OLFM2: variants seen among roughly 807,000 people sequenced by gnomAD.
OLFM2 encodes the protein olfactomedin 2.
A neutral mutation model predicts 43.9 loss-of-function variants in OLFM2; 20 were observed. The ratio of observed to expected loss-of-function variants is 0.46; its 90% CI spans 0.32 to 0.66. The LOEUF is 0.66. OLFM2 is among the 30% of genes least tolerant of loss of function. The pLI is 0.04. For synonymous variants in OLFM2, 268 were observed against 278.6 expected, an observed-to-expected ratio of 0.96 and a Z score of 0.38; for missense variants, 416 against 643.6, an observed-to-expected ratio of 0.65 and a Z score of 3.83.
intron 1 of OLFM2, among the ~76,000 whole-genome samples, chr19:9,926,535 G>C (rs2086454444): frequency 6.6e-6 from 1 of 152,126 alleles, no homozygotes; most frequent in South Asian, 2.1e-4. Context: ...CTGGGACAGA[G>C]AGCGAGACTC....
rs958020831 is a variant in OLFM2, at chr19:9,913,709, C to CG, written c.63+22594dup. On this transcript the variant is annotated intron_variant, in intron 1 of 5. Transcript: ENST00000264833. ...TCGGTCCCTCGACACCCAGGCGCCC[C>CG]GGGGGGGCGTGGGGGAGGGGGCACG... 7.9e-5 allele frequency: 81 copies of CG among 1,030,228 alleles called. 1 individual carries two copies. In the Middle Eastern group the frequency reaches 2.8e-3, roughly 36 times the overall value. The allele number at this position is 1,030,228 out of a possible 1,614,324, so 63.8% of individuals were successfully genotyped here. A position where few individuals can be genotyped will look rare whatever the true frequency, so the allele number is the denominator to read the frequency against.
At chr19:9,923,825 C>T (rs149542619) in intron 1 of OLFM2, among the ~76,000 whole-genome samples, 13 of 151,862 alleles carry the variant, frequency 8.6e-5, no homozygotes, top group African/African-American at 2.7e-4. Context: ...TAGAGCTGGG[C>T]GTGGTGCCTC....
chr19:9,913,835 C>T (rs1362345819), intron 1 of OLFM2: 2 of 262,980 alleles, frequency 7.6e-6, no homozygotes, highest in Non-Finnish European at 1.2e-5. Context: ...TATAAAGCGC[C>T]GGCTCGGGCC....
At chr19:9,875,068 G>A (rs983335662) in intron 1 of OLFM2, among the ~76,000 whole-genome samples, 2 of 152,196 alleles carry the variant, frequency 1.3e-5, no homozygotes, top group African/African-American at 2.4e-5. Context: ...TCCCTGTTCC[G>A]CAGGCATCCC....
At chr19:9,883,201 C>A (rs1232912826) in intron 1 of OLFM2, among the ~76,000 whole-genome samples, 1 of 73,570 alleles carries the variant, frequency 1.4e-5, no homozygotes, top group East Asian at 2.8e-4. Context: ...AAGAGCGAGA[C>A]TCCATCTCAA....
rs147443953 is a variant in OLFM2 at position 9,920,836 on chromosome 19, G to A, written c.63+15468C>T. On this transcript the variant is annotated intron_variant, in intron 1 of 5. Transcript: ENST00000264833. Reference sequence around the variant, plus strand: ...GCAGGAAAGTTATTTGAACCTGGGAGGCAGAGGTTGCTGTGAGCAGAGATC... The same window carrying A: ...GCAGGAAAGTTATTTGAACCTGGGAAGCAGAGGTTGCTGTGAGCAGAGATC... Among the ~76,000 whole-genome samples the A allele has an allele frequency of 7.9e-5, 12 of 151,826 alleles. No homozygotes were observed. In the South Asian group the frequency reaches 1.0e-3, roughly 13 times the overall value.
chr19:9,914,855 C>T (rs1474321216), intron 1 of OLFM2, among the ~76,000 whole-genome samples: 2 of 152,082 alleles, frequency 1.3e-5, no homozygotes, highest in African/African-American at 4.8e-5. Flanking sequence ...CTCGCTCCGC[C>T]GCCGCCGTCG....
chr19:9,909,998 A>G (rs1207721192), intron 1 of OLFM2, among the ~76,000 whole-genome samples: 1 of 152,142 alleles, frequency 6.6e-6, no homozygotes, highest in East Asian at 1.9e-4. Flanking sequence ...CTTAGGGTTC[A>G]GTAGTGAGCA....
At chr19:9,934,040 T>C (rs2086500510) in intron 1 of OLFM2, among the ~76,000 whole-genome samples, 1 of 152,064 alleles carries the variant, frequency 6.6e-6, no homozygotes, top group Non-Finnish European at 1.5e-5. Flanking sequence ...CAGTGCATAA[T>C]CATATCTGTT....
At chr19:9,910,481 G>C (rs955090671) in intron 1 of OLFM2, among the ~76,000 whole-genome samples, 26 of 152,160 alleles carry the variant, frequency 1.7e-4, no homozygotes, top group African/African-American at 6.3e-4. Context: ...AGCATTTTGG[G>C]AGGCCGAGGA....
chr19:9,927,457 C>T (rs1440451093), intron 1 of OLFM2, among the ~76,000 whole-genome samples: 2 of 152,112 alleles, frequency 1.3e-5, no homozygotes, highest in African/African-American at 4.8e-5. Flanking sequence ...AACTTCCCCT[C>T]TTTTAAACAT....
chr19:9,888,145 A>G (rs2046604565), intron 1 of OLFM2, among the ~76,000 whole-genome samples: 1 of 151,628 alleles, frequency 6.6e-6, no homozygotes, highest in African/African-American at 2.4e-5. Flanking sequence ...CTTCTATATC[A>G]CCTCTTTGCA....
At chr19:9,936,283 A>G (rs2086514364) in intron 1 of OLFM2, 21 bp downstream of exon 1, 1 of 1,525,038 alleles carries the variant, frequency 6.6e-7, no homozygotes, top group Non-Finnish European at 8.7e-7. Context: ...CCGCGCCCGC[A>G]CCTGCCCGCC....
rs2046294237 is a variant in OLFM2 at position 9,854,174 on chromosome 19, C to T, written c.*12G>A. ...AGGCCCCCCAGGCAGCAGCCCGAGCCACAGCATTGGCTCAGGGGTCCCCAG... is the reference window on the plus strand; with the variant it reads ...AGGCCCCCCAGGCAGCAGCCCGAGCTACAGCATTGGCTCAGGGGTCCCCAG... On this transcript the variant is annotated 3_prime_UTR_variant, in exon 6 of 6. Transcript: ENST00000264833. The surrounding 1 kb of genome is among the most constrained non-coding windows in gnomAD (Gnocchi z 9.5). 1.9e-6 allele frequency: 3 copies of T among 1,613,818 alleles called. No individual in the cohort carries two copies. The highest frequency in any genetic ancestry group is 2.5e-6 in the Non-Finnish European group (3 of 1,179,814).
chr19:9,891,926 T>C (rs1363469835), intron 1 of OLFM2, among the ~76,000 whole-genome samples: 3 of 152,156 alleles, frequency 2.0e-5, no homozygotes, highest in Admixed American at 6.5e-5. Context: ...TATAAAACTA[T>C]GCATATGAAT....
intron 1 of OLFM2, among the ~76,000 whole-genome samples, chr19:9,915,382 A>G (rs2046867165): frequency 6.6e-6 from 1 of 151,660 alleles, no homozygotes; most frequent in South Asian, 2.1e-4. Context: ...GGATGTGAAG[A>G]TGAATATTCT....
In OLFM2 at chr19:9,863,653, G is replaced by A. The variant is rs181711574; in HGVS notation, c.64-2859C>T. Among the ~76,000 whole-genome samples the A allele has an allele frequency of 1.3e-3, 201 of 151,772 alleles. 3 individuals are homozygous for A. The highest frequency in any genetic ancestry group is 1.9e-3 in the Non-Finnish European group (127 of 67,968). The stretch of plus-strand genomic sequence containing the variant: ...CCCAGCAGAATCGGTGCCGTGAGCT[G>A]CAGCACAGATAAACCAAGCTGTGAA... On this transcript the variant is annotated intron_variant, in intron 1 of 5. Coordinates refer to ENST00000264833, the MANE Select transcript of OLFM2 (RefSeq NM_058164.4).
intron 1 of OLFM2, among the ~76,000 whole-genome samples, chr19:9,876,448 G>A (rs1599474923): frequency 6.6e-6 from 1 of 152,128 alleles, no homozygotes; most frequent in South Asian, 2.1e-4. Flanking sequence ...TGATCAACCT[G>A]CCAATAACAG....
rs373156759 is a variant in OLFM2, at chr19:9,856,305, T to C, written c.687+502A>G. Among the ~76,000 whole-genome samples the C allele has an allele frequency of 1.1e-3, 162 of 151,756 alleles. 5 individuals carry two copies. In the South Asian group the frequency reaches 0.034, roughly 32 times the overall value. On this transcript the variant is annotated intron_variant, in intron 5 of 5. Coordinates refer to ENST00000264833, the MANE Select transcript of OLFM2 (RefSeq NM_058164.4). The surrounding 1 kb of genome is among the most constrained non-coding windows in gnomAD (Gnocchi z 4.0). ...TAGAGACAGGGTTTCTCCATGTTGG[T>C]CAGGCTGGTCTCGAACTCCCGACCT...
Sources: allele counts gnomAD v4.1 joint callset (sites outside exome capture counted in the v4.1 genomes callset), GRCh38; gene constraint gnomAD v4.1.1; non-coding constraint Gnocchi (gnomAD v3.1); transcripts MANE v1.5; gene names NCBI Gene and HGNC (gene_info 2026-07-23, HGNC 2026-07-21).